Variants in CPA6 observed in about 807,000 individuals in gnomAD.
CPA6 encodes carboxypeptidase A6.
CPA6 carries 58 observed loss-of-function variants against 63.3 expected under a neutral mutation model. That is an observed-to-expected ratio of 0.92 (90% CI 0.74 to 1.14). The LOEUF is 1.14. Among genes scored for constraint, CPA6 ranks in the 50% most tolerant of loss-of-function variants. CPA6 has a pLI of 0.00. For synonymous variants in CPA6, 185 were observed against 179.0 expected (o/e 1.03, Z -0.27); for missense variants, 565 against 526.6 (o/e 1.07, Z -0.71).
intron 2 of CPA6, among the ~76,000 whole-genome samples, chr8:67,525,330 T>G (rs1203329616): frequency 6.6e-6 from 1 of 152,130 alleles, no homozygotes; most frequent in Non-Finnish European, 1.5e-5. Context: ...AAAATGAAAA[T>G]ATATCAACTA....
chr8:67,627,430 C>G (rs1204066356), intron 1 of CPA6, among the ~76,000 whole-genome samples: 3 of 152,088 alleles, frequency 2.0e-5, no homozygotes, highest in Non-Finnish European at 4.4e-5. Flanking sequence ...TATAACTTAT[C>G]AGGTTTTTTG....
intron 1 of CPA6, among the ~76,000 whole-genome samples, chr8:67,723,759 A>AT (rs1321397389): frequency 1.3e-5 from 2 of 152,228 alleles, no homozygotes; most frequent in East Asian, 3.8e-4. Flanking sequence ...CAAAAAAATA[A>AT]TTCCATATAA....
At chr8:67,685,342 G>A (rs1402977744) in intron 1 of CPA6, among the ~76,000 whole-genome samples, 1 of 152,196 alleles carries the variant, frequency 6.6e-6, no homozygotes, top group East Asian at 1.9e-4. Context: ...TGCTGGCCGG[G>A]CGCAGTGGCT....
chr8:67,545,603 T>C (rs916294789), intron 2 of CPA6, among the ~76,000 whole-genome samples: 5 of 150,402 alleles, frequency 3.3e-5, no homozygotes, highest in African/African-American at 9.8e-5. Context: ...GTTTTGCTCT[T>C]GTTACACAGG....
At chr8:67,625,974 G>A (rs763939747) in intron 1 of CPA6, among the ~76,000 whole-genome samples, 3 of 152,248 alleles carry the variant, frequency 2.0e-5, no homozygotes, top group East Asian at 1.9e-4. Context: ...TGTTGTTCTC[G>A]TGATAGTGAG....
chr8:67,715,329 G>A (rs1423019592), intron 1 of CPA6, among the ~76,000 whole-genome samples: 1 of 152,172 alleles, frequency 6.6e-6, no homozygotes, highest in Non-Finnish European at 1.5e-5. Flanking sequence ...CCCTTCTTAG[G>A]TTCCATAATT....
Position 67,484,716 on chromosome 8 carries a change from A to G in CPA6, c.710T>C (p.Val237Ala). Residue 237 changes from valine to alanine, a missense_variant, in exon 7 of 11, where the codon GTG becomes GCG. Coordinates refer to ENST00000297770, the MANE Select transcript of CPA6 (RefSeq NM_020361.5). ...LNHLYFYIMP[V>A]FNVDGYHFSW... ...AAAATGGTATCCATCGACGTTAAAC[A>G]CAGGCATGATATAGAAATATAGATG... 1 of 1,609,870 alleles carries G rather than the reference A, an allele frequency of 6.2e-7. No homozygotes were observed. The highest frequency in any genetic ancestry group is 2.2e-5 in the East Asian group (1 of 44,800).
intron 8 of CPA6, among the ~76,000 whole-genome samples, chr8:67,468,623 AAAT>A (rs1203310657): frequency 4.7e-5 from 7 of 149,978 alleles, no homozygotes; most frequent in Non-Finnish European, 1.0e-4. Context: ...AAATAAAATA[AAAT>A]AATAATAATA....
At chr8:67,450,988 C>A (rs990161992) in intron 8 of CPA6, among the ~76,000 whole-genome samples, 7 of 152,214 alleles carry the variant, frequency 4.6e-5, no homozygotes, top group African/African-American at 1.4e-4. Flanking sequence ...AGACTCTCCT[C>A]TCCTTTAGAG....
intron 2 of CPA6, among the ~76,000 whole-genome samples, chr8:67,607,252 C>T (rs1305523231): frequency 9.0e-6 from 1 of 110,846 alleles, no homozygotes; most frequent in East Asian, 2.6e-4. Context: ...TCTTCTTCTT[C>T]TCCTCCTCCT....
chr8:67,589,111 C>CT (rs918472980), intron 2 of CPA6, among the ~76,000 whole-genome samples: 2 of 145,262 alleles, frequency 1.4e-5, no homozygotes, highest in Non-Finnish European at 3.0e-5. Context: ...GAGCAAGACT[C>CT]TTAAAAAAAA....
intron 1 of CPA6, among the ~76,000 whole-genome samples, chr8:67,643,439 C>T (rs1221446341): frequency 6.6e-6 from 1 of 152,124 alleles, no homozygotes; most frequent in Non-Finnish European, 1.5e-5. Context: ...TTGCAACCAT[C>T]CTACTGATGA....
intron 2 of CPA6, among the ~76,000 whole-genome samples, chr8:67,594,956 C>A (rs536924200): frequency 1.3e-5 from 2 of 152,324 alleles, no homozygotes; most frequent in South Asian, 4.1e-4. Context: ...GAGGGGCGCT[C>A]TGCTTTTTAG....
chr8:67,660,204 A>AT (rs1486764273), intron 1 of CPA6, among the ~76,000 whole-genome samples: 1 of 151,352 alleles, frequency 6.6e-6, no homozygotes, highest in Non-Finnish European at 1.5e-5. Flanking sequence ...ATTTGGGCAG[A>AT]TTTTTTGTGC....
At chr8:67,721,481 T>C (rs534277033) in intron 1 of CPA6, among the ~76,000 whole-genome samples, 119 of 152,328 alleles carry the variant, frequency 7.8e-4, no homozygotes, top group Middle Eastern at 3.4e-3. Context: ...TAGTTTTACT[T>C]TTGCAAAGAT....
intron 8 of CPA6, among the ~76,000 whole-genome samples, chr8:67,475,807 T>C (rs1450829279): frequency 1.3e-5 from 1 of 76,046 alleles, no homozygotes; most frequent in African/African-American, 8.2e-5. Context: ...CTTTCTTTCT[T>C]TCTTTCTTTC....
Position 67,564,405 on chromosome 8 carries a change from T to A in CPA6, c.193-46358A>T, listed in dbSNP as rs951104048. 4.8e-4 allele frequency among the ~76,000 whole-genome samples: 72 copies of A among 150,710 alleles called. 1 individual carries two copies. The highest frequency in any genetic ancestry group is 2.2e-4 in the Non-Finnish European group (15 of 67,782). ...GGGATGCAAGCTGAGCAGCGACGAT[T>A]AAAAGTGTTCTTTTTTTTTTTTTTA... On this transcript the variant is annotated intron_variant, in intron 2 of 10. Coordinates refer to ENST00000297770, the MANE Select transcript of CPA6 (RefSeq NM_020361.5).
At chr8:67,500,766 T>A (rs985728138) in intron 6 of CPA6, among the ~76,000 whole-genome samples, 4 of 151,696 alleles carry the variant, frequency 2.6e-5, no homozygotes, top group Non-Finnish European at 5.9e-5. Context: ...AAGATTCATT[T>A]TTTTTTTTTT....
At chr8:67,613,378 T>C (rs1488754457) in intron 2 of CPA6, among the ~76,000 whole-genome samples, 5 of 152,218 alleles carry the variant, frequency 3.3e-5, no homozygotes. Context: ...GACTGTCTAC[T>C]ATTGCCAGGC....
Sources: gnomAD v4.1 joint callset for allele counts (sites outside exome capture counted in the v4.1 genomes callset) on GRCh38, gnomAD v4.1.1 for gene constraint, MANE v1.5 for transcripts, NCBI Gene and HGNC (gene_info 2026-07-23, HGNC 2026-07-21) for gene names.